CDH13: variants seen among roughly 807,000 people sequenced by gnomAD.
CDH13 encodes cadherin-13.
Under a neutral mutation model 63.8 loss-of-function variants are expected in CDH13, and 24 were observed. That is an observed-to-expected ratio of 0.38 (90% CI 0.27 to 0.53). CDH13 has a LOEUF of 0.53. CDH13 is among the 20% of genes least tolerant of loss of function. The pLI, the probability that CDH13 is intolerant of heterozygous loss-of-function variation, is 0.85. For missense variants in CDH13, 1,049 were observed against 903.1 expected (o/e 1.16, Z -2.07); for synonymous variants, 503 against 355.3 (o/e 1.42, Z -4.67).
Position 83,479,285 on chromosome 16 carries a change from C to G in CDH13, c.782-7192C>G, listed in dbSNP as rs547865291. Reference sequence around the variant, plus strand: ...TTAAACCCTAAGTGGTTGGGTCCCACAAGCTATTTCCCTCGTCATGATTGC... The same window carrying G: ...TTAAACCCTAAGTGGTTGGGTCCCAGAAGCTATTTCCCTCGTCATGATTGC... On this transcript the variant is annotated intron_variant, in intron 6 of 13. Transcript: ENST00000567109. Among the ~76,000 whole-genome samples, 194 of 152,310 alleles carry G rather than the reference C, an allele frequency of 1.3e-3. 1 individual carries two copies. Among genetic ancestry groups the G allele is most frequent in the Non-Finnish European group, 2.3e-3 (158 of 68,026 alleles).
At chr16:83,046,183 C>T (rs559013587) in intron 3 of CDH13, among the ~76,000 whole-genome samples, 3 of 152,162 alleles carry the variant, frequency 2.0e-5, no homozygotes, top group Admixed American at 6.5e-5. Flanking sequence ...GTCCATACCC[C>T]TTAGAAGTGC....
chr16:82,765,690 C>T (rs1464662976), intron 1 of CDH13, among the ~76,000 whole-genome samples: 2 of 152,122 alleles, frequency 1.3e-5, no homozygotes, highest in African/African-American at 2.4e-5. Flanking sequence ...GGCATAATTG[C>T]TAATTTTCGG....
At chr16:82,927,952 C>G (rs1477452544) in intron 2 of CDH13, among the ~76,000 whole-genome samples, 1 of 152,136 alleles carries the variant, frequency 6.6e-6, no homozygotes, top group Non-Finnish European at 1.5e-5. Context: ...AAGACATGGT[C>G]TAGTTGGGGA....
At chr16:83,228,199 C>G (rs1005960223) in intron 5 of CDH13, among the ~76,000 whole-genome samples, 2 of 152,196 alleles carry the variant, frequency 1.3e-5, no homozygotes, top group Non-Finnish European at 2.9e-5. Context: ...CTGGCAGTGT[C>G]TGCATATGTT....
intron 1 of CDH13, among the ~76,000 whole-genome samples, chr16:82,662,963 C>T (rs777510435): frequency 3.9e-5 from 6 of 152,118 alleles, no homozygotes; most frequent in Admixed American, 6.5e-5. Flanking sequence ...TTGATGATTT[C>T]GAGTTAAAAA....
At chr16:82,728,787 C>T (rs2033240666) in intron 1 of CDH13, among the ~76,000 whole-genome samples, 1 of 152,172 alleles carries the variant, frequency 6.6e-6, no homozygotes, top group Non-Finnish European at 1.5e-5. Context: ...TTTTGTATAG[C>T]ATGTGATGCT....
chr16:83,650,320 A>T (rs1448855728), intron 8 of CDH13, among the ~76,000 whole-genome samples: 2 of 152,258 alleles, frequency 1.3e-5, no homozygotes, highest in South Asian at 2.1e-4. Flanking sequence ...TAATAATTAT[A>T]GTCTTTGGTT....
intron 1 of CDH13, among the ~76,000 whole-genome samples, chr16:82,768,673 C>T (rs1567514865): frequency 6.6e-6 from 1 of 152,152 alleles, no homozygotes; most frequent in Non-Finnish European, 1.5e-5. Flanking sequence ...CAGGATCATC[C>T]AGCCTAGTGC....
At chr16:83,303,559 T>G (rs2089800384) in intron 5 of CDH13, among the ~76,000 whole-genome samples, 1 of 152,054 alleles carries the variant, frequency 6.6e-6, no homozygotes, top group South Asian at 2.1e-4. Flanking sequence ...ATAATAGGAG[T>G]TTTAATCTTC....
chr16:83,341,529 G>A (rs2090722137), intron 5 of CDH13, among the ~76,000 whole-genome samples: 1 of 152,140 alleles, frequency 6.6e-6, no homozygotes, highest in African/African-American at 2.4e-5. Flanking sequence ...TTTAAAACTG[G>A]ATGAACCTCT....
At chr16:83,412,055 AG>A (rs1472735978) in intron 6 of CDH13, among the ~76,000 whole-genome samples, 2 of 152,200 alleles carry the variant, frequency 1.3e-5, no homozygotes, top group African/African-American at 4.8e-5. Flanking sequence ...AGGCAAGGAG[AG>A]CCACAAGCTC....
intron 2 of CDH13, among the ~76,000 whole-genome samples, chr16:83,027,130 A>G (rs904407704): frequency 9.8e-6 from 1 of 102,228 alleles, no homozygotes; most frequent in African/African-American, 3.8e-5. Flanking sequence ...CCCGCCTCCA[A>G]TCCTCTACCA....
intron 10 of CDH13, chr16:83,735,316 T>G (rs979396604): frequency 1.3e-5 from 2 of 152,230 alleles, no homozygotes; most frequent in African/African-American, 4.8e-5. Context: ...CAAATCACTC[T>G]TTCGAAGCAG....
chr16:83,392,573 C>G (rs1446141699), intron 6 of CDH13, among the ~76,000 whole-genome samples: 1 of 152,166 alleles, frequency 6.6e-6, no homozygotes, highest in Admixed American at 6.5e-5. Context: ...GAATATTCCA[C>G]CTGTCTTAGG....
intron 5 of CDH13, among the ~76,000 whole-genome samples, chr16:83,279,842 A>T (rs1186966874): frequency 6.7e-6 from 1 of 149,886 alleles, no homozygotes; most frequent in Non-Finnish European, 1.5e-5. Flanking sequence ...GAGTCACATG[A>T]TTTTTTTTTT....
intron 2 of CDH13, among the ~76,000 whole-genome samples, chr16:83,005,473 G>C (rs751082539): frequency 2.6e-5 from 4 of 152,122 alleles, no homozygotes; most frequent in Non-Finnish European, 5.9e-5. Flanking sequence ...CCACCACTGA[G>C]CTAGGCCACT....
intron 4 of CDH13, among the ~76,000 whole-genome samples, chr16:83,135,594 G>T (rs1354911570): frequency 6.6e-6 from 1 of 152,186 alleles, no homozygotes; most frequent in Non-Finnish European, 1.5e-5. Flanking sequence ...CATGAGTTAA[G>T]CCACTATGGA....
intron 4 of CDH13, among the ~76,000 whole-genome samples, chr16:83,144,837 C>A (rs551082464): frequency 6.6e-6 from 1 of 152,196 alleles, no homozygotes; most frequent in East Asian, 1.9e-4. Flanking sequence ...TTTGCAAAAG[C>A]GTTCATGGAA....
intron 1 of CDH13, among the ~76,000 whole-genome samples, chr16:82,739,709 C>T (rs192418675): frequency 2.0e-5 from 3 of 152,172 alleles, no homozygotes; most frequent in Non-Finnish European, 4.4e-5. Flanking sequence ...AAGGAAAATA[C>T]GATGACACTC....
Sources: allele counts gnomAD v4.1 joint callset (sites outside exome capture counted in the v4.1 genomes callset), GRCh38; gene constraint gnomAD v4.1.1; transcripts MANE v1.5; gene names NCBI Gene and HGNC (gene_info 2026-07-23, HGNC 2026-07-21).